The following ASB7 variants were observed in gnomAD, a reference collection of about 807,000 sequenced individuals.
The protein encoded by ASB7 is ankyrin repeat and SOCS box containing 7.
In ASB7, 4 loss-of-function variants were observed where a neutral mutation model predicts 32.5. The ratio of observed to expected loss-of-function variants is 0.12; its 90% CI spans 0.06 to 0.28. ASB7 has a LOEUF of 0.28. ASB7 is among the 10% of genes least tolerant of loss of function. The pLI, the probability that ASB7 is intolerant of heterozygous loss-of-function variation, is 1.00. For synonymous variants in ASB7, 172 were observed against 155.6 expected (o/e 1.11, Z -0.78); for missense variants, 181 against 407.1 (o/e 0.44, Z 4.78).
chr15:100,614,731 C>T (rs115042039), intron 4 of ASB7, among the ~76,000 whole-genome samples: 1,349 of 129,484 alleles, frequency 0.01, 27 homozygotes, highest in African/African-American at 0.039. Flanking sequence ...CACTTAACAA[C>T]AGCTGATGAG....
At chr15:100,630,328 T>A in intron 5 of ASB7, 1 of 507,046 alleles carries the variant, frequency 2.0e-6, no homozygotes, top group Non-Finnish European at 2.9e-6. Context: ...TGAACAAAGA[T>A]CTGTGTTAGA....
intron 4 of ASB7, among the ~76,000 whole-genome samples, chr15:100,620,049 G>A: frequency 6.6e-6 from 1 of 152,200 alleles, no homozygotes; most frequent in Non-Finnish European, 1.5e-5. Flanking sequence ...CATGTGATGA[G>A]TGGCTGCCAT....
Position 100,649,989 on chromosome 15 carries a change from T to G in ASB7, c.*1527T>G, listed in dbSNP as rs2040020526. 6.6e-6 allele frequency: 1 copy of G among 152,276 alleles called. No individual in the cohort carries two copies. The highest frequency in any genetic ancestry group is 2.4e-5 in the African/African-American group (1 of 41,476). The allele number at this position is 152,276 out of a possible 1,614,324, so 9.4% of individuals were successfully genotyped here. A position where few individuals can be genotyped will look rare whatever the true frequency, so the allele number is the denominator to read the frequency against. ...TAACTAAGCAGAACTAGGAGTTTTC[T>G]CTGGCTTCACCTTTTTCAGAGCCAG... is the stretch of plus-strand genomic sequence containing the variant. On this transcript the variant is annotated 3_prime_UTR_variant, in exon 6 of 6. Coordinates refer to ENST00000332783, the MANE Select transcript of ASB7 (RefSeq NM_198243.3).
chr15:100,644,281 G>A (rs1011733636), intron 5 of ASB7, among the ~76,000 whole-genome samples: 7 of 152,136 alleles, frequency 4.6e-5, no homozygotes, highest in Admixed American at 6.5e-5. Flanking sequence ...AAAAGAGCCC[G>A]TCATCTATTA....
chr15:100,634,965 G>T (rs1242000506), intron 5 of ASB7, among the ~76,000 whole-genome samples: 2 of 152,222 alleles, frequency 1.3e-5, no homozygotes, highest in Non-Finnish European at 2.9e-5. Flanking sequence ...GGCGGTGTCT[G>T]ATTGGCTAGA....
intron 4 of ASB7, among the ~76,000 whole-genome samples, chr15:100,622,355 T>C (rs1244200803): frequency 6.6e-6 from 1 of 152,172 alleles, no homozygotes; most frequent in Non-Finnish European, 1.5e-5. Flanking sequence ...ATTGGAAGAA[T>C]TAATATTGTT....
chr15:100,633,667 A>AGGAG (rs1325720980), intron 5 of ASB7, among the ~76,000 whole-genome samples: 1 of 151,366 alleles, frequency 6.6e-6, no homozygotes, highest in Non-Finnish European at 1.5e-5. Flanking sequence ...GAAGGAAGGA[A>AGGAG]GGAGGAAGGA....
intron 4 of ASB7, among the ~76,000 whole-genome samples, chr15:100,616,360 G>A (rs1386959387): frequency 6.6e-6 from 1 of 152,102 alleles, no homozygotes; most frequent in Non-Finnish European, 1.5e-5. Context: ...TTTCAATGTA[G>A]GTGAATTATG....
intron 4 of ASB7, among the ~76,000 whole-genome samples, chr15:100,616,105 C>G (rs1045003882): frequency 2.0e-5 from 3 of 152,184 alleles, no homozygotes; most frequent in African/African-American, 7.2e-5. Flanking sequence ...TGTTCACCTG[C>G]CTTTGCTAGT....
At chr15:100,642,471 G>A (rs1040089530) in intron 5 of ASB7, among the ~76,000 whole-genome samples, 1 of 152,218 alleles carries the variant, frequency 6.6e-6, no homozygotes, top group Non-Finnish European at 1.5e-5. Flanking sequence ...CCGTCTTCCA[G>A]CTTCTAGTAA....
chr15:100,633,531 T>A (rs2039899803), intron 5 of ASB7, among the ~76,000 whole-genome samples: 2 of 151,830 alleles, frequency 1.3e-5, no homozygotes, highest in South Asian at 4.2e-4. Flanking sequence ...GAGCCAAGAT[T>A]GTGCTACTGC....
In ASB7 at chr15:100,629,198, C is replaced by G. The variant is rs2039865543; in HGVS notation, c.212-239C>G. Among the ~76,000 whole-genome samples, 1 of 152,208 alleles carries G rather than the reference C, an allele frequency of 6.6e-6. No homozygotes were observed. The highest frequency in any genetic ancestry group is 2.4e-5 in the African/African-American group (1 of 41,446). Reference sequence around the variant, plus strand: ...TGTACTCCGTGTTTTTTGTGTATATCTTTTTAAACACTTTGTCTTTCTCCT... The same window carrying G: ...TGTACTCCGTGTTTTTTGTGTATATGTTTTTAAACACTTTGTCTTTCTCCT... On this transcript the variant is annotated intron_variant, in intron 4 of 5. Transcript: ENST00000332783. The surrounding 1 kb of genome is among the most constrained non-coding windows in gnomAD (Gnocchi z 6.8).
At chr15:100,647,162 A>G (rs190026180) in intron 5 of ASB7, among the ~76,000 whole-genome samples, 1 of 152,364 alleles carries the variant, frequency 6.6e-6, no homozygotes, top group Non-Finnish European at 1.5e-5. Context: ...TATGGCATTT[A>G]CTATAGAGAT....
chr15:100,648,513 G>T lies in ASB7; in HGVS notation c.*51G>T. On this transcript the variant is annotated 3_prime_UTR_variant, in exon 6 of 6. Coordinates refer to ENST00000332783, the MANE Select transcript of ASB7 (RefSeq NM_198243.3). The stretch of plus-strand genomic sequence containing the variant: ...GGAGTTCTATTCTAGATACTTAAAA[G>T]GCTTTTTGCCTTGCACAAAGTATAT... 6.8e-7 allele frequency: 1 copy of T among 1,477,964 alleles called. No individual in the cohort carries two copies. Among genetic ancestry groups the T allele is most frequent in the Non-Finnish European group, 9.2e-7 (1 of 1,084,336 alleles). The allele number at this position is 1,477,964 out of a possible 1,614,324, so 91.6% of individuals were successfully genotyped here.
At chr15:100,609,159 G>C (rs541629274) in intron 2 of ASB7, among the ~76,000 whole-genome samples, 1 of 152,162 alleles carries the variant, frequency 6.6e-6, no homozygotes, top group Non-Finnish European at 1.5e-5. Flanking sequence ...ATCTAGTTCG[G>C]TGTATGCATA....
At chr15:100,634,761 G>A (rs757797598) in intron 5 of ASB7, among the ~76,000 whole-genome samples, 9 of 152,140 alleles carry the variant, frequency 5.9e-5, no homozygotes, top group Non-Finnish European at 1.0e-4. Flanking sequence ...CCGAGATCAC[G>A]CCACTGCACT....
At chr15:100,605,205 A>G (rs1170304642) in intron 2 of ASB7, among the ~76,000 whole-genome samples, 1 of 152,250 alleles carries the variant, frequency 6.6e-6, no homozygotes, top group East Asian at 1.9e-4. Flanking sequence ...TAATATCAGA[A>G]TGACTGAGAG....
chr15:100,603,480 T>A (rs1596992280), intron 2 of ASB7, among the ~76,000 whole-genome samples, 167 bp downstream of exon 2: 1 of 138,876 alleles, frequency 7.2e-6, no homozygotes, highest in African/African-American at 2.7e-5. Flanking sequence ...GCCTGATACT[T>A]AACATTTTAT....
At position 100,612,430 on chromosome 15, in the gene ASB7, G is replaced by A; in HGVS notation, c.211+3G>A. 3 of 1,598,196 alleles carry A rather than the reference G, an allele frequency of 1.9e-6. No individual in the cohort carries two copies. Among genetic ancestry groups the A allele is most frequent in the Non-Finnish European group, 2.6e-6 (3 of 1,165,406 alleles). The stretch of plus-strand genomic sequence containing the variant: ...TCGGGTTTTTCTAGAACACGGAGGT[G>A]AGTTTTGTAGAAGCAAATCTTTTTC... On this transcript the variant is annotated splice_donor_region_variant and intron_variant, in intron 4 of 5. Coordinates refer to ENST00000332783, the MANE Select transcript of ASB7 (RefSeq NM_198243.3).
Sources: allele counts gnomAD v4.1 joint callset (sites outside exome capture counted in the v4.1 genomes callset), GRCh38; gene constraint gnomAD v4.1.1; non-coding constraint Gnocchi (gnomAD v3.1); transcripts MANE v1.5; gene names NCBI Gene and HGNC (gene_info 2026-07-23, HGNC 2026-07-21).